CACNB2: variants seen among roughly 807,000 people sequenced by gnomAD.
CACNB2 encodes calcium voltage-gated channel auxiliary subunit beta 2, also known as voltage-dependent L-type calcium channel subunit beta-2.
Under a neutral mutation model 73.3 loss-of-function variants are expected in CACNB2, and 42 were observed. The ratio of observed to expected loss-of-function variants is 0.57; its 90% CI spans 0.45 to 0.74. The LOEUF (loss-of-function observed/expected upper bound fraction) is 0.74. Ranked by LOEUF, CACNB2 falls within the 30% of genes least tolerant of loss-of-function variation. CACNB2 has a pLI of 0.00. For missense variants in CACNB2, 940 were observed against 853.0 expected (o/e 1.10, Z -1.27); for synonymous variants, 348 against 310.3 (o/e 1.12, Z -1.28).
chr10:18,389,198 G>T (rs2043359528), intron 2 of CACNB2, among the ~76,000 whole-genome samples: 1 of 152,246 alleles, frequency 6.6e-6, no homozygotes, highest in Admixed American at 6.5e-5. Context: ...GATTGCAGTG[G>T]CATGATCAGT....
chr10:18,332,796 A>G (rs1264758600), intron 2 of CACNB2, among the ~76,000 whole-genome samples: 2 of 152,236 alleles, frequency 1.3e-5, no homozygotes, highest in African/African-American at 4.8e-5. Context: ...ACATTGAATT[A>G]GTTAGATTCA....
At chr10:18,306,869 G>T (rs1047616068) in intron 2 of CACNB2, among the ~76,000 whole-genome samples, 1 of 152,112 alleles carries the variant, frequency 6.6e-6, no homozygotes, top group Admixed American at 6.5e-5. Flanking sequence ...TATTTTAAAA[G>T]AAGCAGCAGA....
chr10:18,310,978 T>C (rs2039943941), intron 2 of CACNB2, among the ~76,000 whole-genome samples: 1 of 152,202 alleles, frequency 6.6e-6, no homozygotes, highest in South Asian at 2.1e-4. Flanking sequence ...AATTTTTTTA[T>C]GCTGGCAAGT....
chr10:18,171,274 T>C (rs150799332), intron 2 of CACNB2, among the ~76,000 whole-genome samples: 1 of 152,204 alleles, frequency 6.6e-6, no homozygotes, highest in East Asian at 1.9e-4. Flanking sequence ...GGGATTGTGA[T>C]AAGTTAGGAT....
At chr10:18,396,428 A>G (rs1050164199) in intron 2 of CACNB2, among the ~76,000 whole-genome samples, 6 of 152,248 alleles carry the variant, frequency 3.9e-5, no homozygotes, top group African/African-American at 7.2e-5. Context: ...AATACAAGAT[A>G]GAACCCTTTC....
intron 2 of CACNB2, among the ~76,000 whole-genome samples, chr10:18,225,341 C>T (rs1269247867): frequency 6.6e-6 from 1 of 152,062 alleles, no homozygotes; most frequent in Non-Finnish European, 1.5e-5. Flanking sequence ...TTGATGCAAA[C>T]TTTTCGTAGG....
intron 2 of CACNB2, among the ~76,000 whole-genome samples, chr10:18,159,877 C>T (rs1393680527): frequency 1.3e-5 from 2 of 152,040 alleles, no homozygotes; most frequent in African/African-American, 4.8e-5. Context: ...AGATTTATTG[C>T]CACTGTGATT....
intron 10 of CACNB2, among the ~76,000 whole-genome samples, chr10:18,530,502 G>T (rs2052895668): frequency 9.3e-6 from 1 of 107,400 alleles, no homozygotes; most frequent in Admixed American, 1.0e-4. Flanking sequence ...AATGCAAGAA[G>T]TACAAAAATG....
chr10:18,192,152 A>G (rs1222496805), intron 2 of CACNB2, among the ~76,000 whole-genome samples: 2 of 151,986 alleles, frequency 1.3e-5, no homozygotes, highest in African/African-American at 4.8e-5. Context: ...AGGCCAGACA[A>G]AGGTACAGTC....
At chr10:18,373,771 A>C (rs968559151) in intron 2 of CACNB2, among the ~76,000 whole-genome samples, 1 of 152,204 alleles carries the variant, frequency 6.6e-6, no homozygotes, top group African/African-American at 2.4e-5. Context: ...TTATTAATGC[A>C]GTTGCTATGT....
chr10:18,218,762 G>T (rs2035612270), intron 2 of CACNB2, among the ~76,000 whole-genome samples: 1 of 152,090 alleles, frequency 6.6e-6, no homozygotes, highest in Non-Finnish European at 1.5e-5. Context: ...CCAGCTACTT[G>T]GGAGGCTGAG....
chr10:18,313,129 A>G (rs1480695642), intron 2 of CACNB2, among the ~76,000 whole-genome samples: 1 of 151,990 alleles, frequency 6.6e-6, no homozygotes, highest in Non-Finnish European at 1.5e-5. Context: ...AAAATTATTC[A>G]TCGTTAGATG....
intron 2 of CACNB2, among the ~76,000 whole-genome samples, chr10:18,263,347 G>A (rs2489219): frequency 0.81 from 123,192 of 152,140 alleles, 50,339 homozygotes; most frequent in African/African-American, 0.92. Context: ...ATGTGGTACT[G>A]GTGGTTAGGA....
chr10:18,517,720 G>C (rs1243409228), intron 7 of CACNB2, among the ~76,000 whole-genome samples: 1 of 152,112 alleles, frequency 6.6e-6, no homozygotes, highest in Non-Finnish European at 1.5e-5. Context: ...CAGGGATCAT[G>C]ATTACTGTTT....
At chr10:18,356,615 T>C (rs2041917346) in intron 2 of CACNB2, among the ~76,000 whole-genome samples, 1 of 151,934 alleles carries the variant, frequency 6.6e-6, no homozygotes, top group Non-Finnish European at 1.5e-5. Flanking sequence ...TGATCCTCTC[T>C]CCTCTCGTCT....
intron 3 of CACNB2, among the ~76,000 whole-genome samples, chr10:18,491,186 A>G (rs536687506): frequency 6.6e-6 from 1 of 152,368 alleles, no homozygotes; most frequent in Admixed American, 6.5e-5. Context: ...AAACATTCAT[A>G]TCCAAGAATC....
At chr10:18,527,102 C>T (rs935703973) in intron 9 of CACNB2, among the ~76,000 whole-genome samples, 2 of 151,604 alleles carry the variant, frequency 1.3e-5, no homozygotes, top group African/African-American at 2.4e-5. Flanking sequence ...AGGATAGGGC[C>T]GGGCGCGGTG....
intron 2 of CACNB2, among the ~76,000 whole-genome samples, chr10:18,177,256 C>T (rs1223955336): frequency 2.0e-5 from 3 of 152,016 alleles, no homozygotes; most frequent in Non-Finnish European, 4.4e-5. Context: ...CTGAGAAAAA[C>T]AAACACGTGC....
At chr10:18,412,089 T>C (rs560789499) in intron 3 of CACNB2, among the ~76,000 whole-genome samples, 30 of 152,320 alleles carry the variant, frequency 2.0e-4, no homozygotes, top group African/African-American at 6.5e-4. Flanking sequence ...TTCTCTTCCA[T>C]ATGGTTGTTT....
Sources: gnomAD v4.1 joint callset for allele counts (sites outside exome capture counted in the v4.1 genomes callset) on GRCh38, gnomAD v4.1.1 for gene constraint, MANE v1.5 for transcripts, NCBI Gene and HGNC (gene_info 2026-07-23, HGNC 2026-07-21) for gene names.